Variants in DNMT3A observed in about 807,000 individuals in gnomAD.
The protein encoded by DNMT3A is DNA (cytosine-5)-methyltransferase 3A.
DNMT3A carries 267 observed loss-of-function variants against 117.6 expected under a neutral mutation model. That is an observed-to-expected ratio of 2.27 (90% CI 2.05 to 2.51). The LOEUF (loss-of-function observed/expected upper bound fraction) is 2.51. Among genes scored for constraint, DNMT3A ranks in the 30% most tolerant of loss-of-function variants. DNMT3A has a pLI of 0.00. For synonymous variants in DNMT3A, 432 were observed against 474.8 expected, an observed-to-expected ratio of 0.91 and a Z score of 1.17; for missense variants, 1,029 against 1,260.2, an observed-to-expected ratio of 0.82 and a Z score of 2.78.
intron 1 of DNMT3A, among the ~76,000 whole-genome samples, chr2:25,332,802 C>T (rs986906895): frequency 3.3e-5 from 5 of 152,244 alleles, no homozygotes; most frequent in East Asian, 1.9e-4. Context: ...CCAGCCTGTG[C>T]GTGGATGGCA....
At chr2:25,245,083 A>T (rs1004456642) in intron 13 of DNMT3A, among the ~76,000 whole-genome samples, 170 bp downstream of exon 13, 4 of 152,206 alleles carry the variant, frequency 2.6e-5, no homozygotes, top group Non-Finnish European at 5.9e-5. Context: ...AAAAGCTTGA[A>T]ACCCAAGGGC....
At chr2:25,241,892 G>C (rs1444555589) in intron 16 of DNMT3A, 185 bp from the exon 17 acceptor site, 2 of 728,054 alleles carry the variant, frequency 2.7e-6, no homozygotes, top group African/African-American at 3.6e-5. Flanking sequence ...AGGACATCGA[G>C]GCTCTGTCTC....
intron 2 of DNMT3A, among the ~76,000 whole-genome samples, chr2:25,309,965 A>C (rs1286905821): frequency 6.6e-6 from 1 of 152,168 alleles, no homozygotes; most frequent in Non-Finnish European, 1.5e-5. Context: ...CTGAGGCAGG[A>C]GAATGGCGTG....
rs567658171 is a variant in DNMT3A, at chr2:25,245,331, G to A, written c.1476C>T (p.Asp492=). ...TGAGGCTCCCACAGGAGATGCAGAT[G>A]TCTGGAAAGCAGAGGGAGGGGATGG... ...EVRQKCRNIE[D]ICISCGSLNV... The change falls in exon 13 of 23, where the codon GAC becomes GAT. Residue 492 remains aspartate (D), a splice_region_variant and synonymous_variant. Transcript: ENST00000321117. 2.5e-6 allele frequency: 4 copies of A among 1,613,804 alleles called. No individual in the cohort carries two copies. Among genetic ancestry groups the A allele is most frequent in the Non-Finnish European group, 3.4e-6 (4 of 1,179,918 alleles).
intron 4 of DNMT3A, among the ~76,000 whole-genome samples, chr2:25,277,843 C>T (rs1172882696): frequency 6.6e-6 from 1 of 151,948 alleles, no homozygotes; most frequent in South Asian, 2.1e-4. Flanking sequence ...GCTCCCTCTC[C>T]GCTGCACCAC....
chr2:25,256,870 G>A (rs1676181732), intron 6 of DNMT3A, among the ~76,000 whole-genome samples: 1 of 152,168 alleles, frequency 6.6e-6, no homozygotes, highest in Admixed American at 6.5e-5. Context: ...GCAGGGACTG[G>A]ACCTCATTCA....
At chr2:25,289,291 G>C (rs559189138) in intron 3 of DNMT3A, among the ~76,000 whole-genome samples, 23 of 151,896 alleles carry the variant, frequency 1.5e-4, no homozygotes, top group African/African-American at 5.6e-4. Context: ...TTAGAGATGG[G>C]GTTTCTCCAT....
In DNMT3A at chr2:25,337,813, C is replaced by A. The variant is rs1484679835; in HGVS notation, c.-178+4013G>T. Reference sequence around the variant, plus strand: ...TCAGAGAGAAATGATTGAAAATGAGCCCTCAAAATTAAAGTGGAAAGGGAT... The same window carrying A: ...TCAGAGAGAAATGATTGAAAATGAGACCTCAAAATTAAAGTGGAAAGGGAT... On this transcript the variant is annotated intron_variant, in intron 1 of 22. Coordinates refer to ENST00000321117, the MANE Select transcript of DNMT3A (RefSeq NM_022552.5). This position sits in a 1 kb window ranked among gnomAD's most constrained non-coding sequence, Gnocchi z 5.0. 6.6e-5 allele frequency among the ~76,000 whole-genome samples: 10 copies of A among 152,222 alleles called. No individual in the cohort carries two copies. Among genetic ancestry groups the A allele is most frequent in the Non-Finnish European group, 4.4e-5 (3 of 68,026 alleles).
chr2:25,241,902 C>T (rs765060542), intron 16 of DNMT3A, 195 bp from the exon 17 acceptor site: 6 of 674,690 alleles, frequency 8.9e-6, no homozygotes, highest in Non-Finnish European at 1.4e-5. Context: ...GGCTCTGTCT[C>T]ATGCCTCGTT....
At chr2:25,295,334 C>T (rs1189338877) in intron 3 of DNMT3A, among the ~76,000 whole-genome samples, 14 of 152,250 alleles carry the variant, frequency 9.2e-5, no homozygotes, top group Admixed American at 8.5e-4. Flanking sequence ...CTAAGCCCCG[C>T]CCTGCCCTGC....
rs765111399 is a variant in DNMT3A, at chr2:25,282,654, C to T, written c.235G>A (p.Ala79Thr). Residue 79 changes from alanine (A) to threonine (T), a missense_variant, in exon 4 of 23, where the codon GCC becomes ACC. Coordinates refer to ENST00000321117, the MANE Select transcript of DNMT3A (RefSeq NM_022552.5). The surrounding 1 kb of genome is among the most constrained non-coding windows in gnomAD (Gnocchi z 5.2). Reference sequence around the variant, plus strand: ...AGCTCTGAGGCGCCTGAGTCCTGGGCCATGGATGGGGACTTGGAGATCACC... The same window carrying T: ...AGCTCTGAGGCGCCTGAGTCCTGGGTCATGGATGGGGACTTGGAGATCACC... ...PAVISKSPSM[A>T]QDSGASELLP... 1.2e-6 allele frequency: 2 copies of T among 1,600,180 alleles called. No homozygotes were observed. The highest frequency in any genetic ancestry group is 8.5e-7 in the Non-Finnish European group (1 of 1,173,802).
rs749709735 is a variant in DNMT3A, at chr2:25,328,523, A to C, written c.-178+13303T>G. 76 of 422,184 alleles carry C rather than the reference A, an allele frequency of 1.8e-4. 1 individual carries two copies. The highest frequency in any genetic ancestry group is 7.0e-4 in the Admixed American group (28 of 40,078). 26.2% of individuals were successfully genotyped at this position (422,184 alleles called of 1,614,324 possible). A position where few individuals can be genotyped will look rare whatever the true frequency, so the allele number is the denominator to read the frequency against. On this transcript the variant is annotated intron_variant, in intron 1 of 22. Coordinates refer to ENST00000321117, the MANE Select transcript of DNMT3A (RefSeq NM_022552.5). The stretch of plus-strand genomic sequence containing the variant: ...CATTGAGTGTTCCATGCGTATATAG[A>C]TGTGTCTGATTTCTCAAAGAGACGA...
At chr2:25,240,150 T>C in intron 19 of DNMT3A, 152 bp downstream of exon 19, 1 of 1,139,778 alleles carries the variant, frequency 8.8e-7, no homozygotes, top group Non-Finnish European at 1.3e-6. Flanking sequence ...TTCCTCCCTT[T>C]CTATCCAGGA....
At position 25,282,656 on chromosome 2, in the gene DNMT3A, A is replaced by G. The variant is rs1558705159; in HGVS notation, c.233T>C (p.Met78Thr). ...DPAVISKSPSMAQDSGASELL... is the reference protein window; with the variant it reads ...DPAVISKSPSTAQDSGASELL... ...CTCTGAGGCGCCTGAGTCCTGGGCC[A>G]TGGATGGGGACTTGGAGATCACCGC... is the stretch of plus-strand genomic sequence containing the variant. The change falls in exon 4 of 23, where the codon ATG becomes ACG. Residue 78 changes from methionine (M) to threonine (T), a missense_variant. Transcript: ENST00000321117. This position sits in a 1 kb window ranked among gnomAD's most constrained non-coding sequence, Gnocchi z 5.2. The G allele has an allele frequency of 3.1e-6, 5 of 1,597,504 alleles. No homozygotes were observed. The Admixed American group carries it at 5.3e-5, about 17-fold the overall frequency.
At position 25,245,119 on chromosome 2, in the gene DNMT3A, G is replaced by A. The variant is rs1674583670; in HGVS notation, c.1554+134C>T. 9 of 773,168 alleles carry A rather than the reference G, an allele frequency of 1.2e-5. No homozygotes were observed. In the South Asian group the frequency reaches 1.6e-4, roughly 14 times the overall value. The allele number at this position is 773,168 out of a possible 1,614,324, so 47.9% of individuals were successfully genotyped here. A position where few individuals can be genotyped will look rare whatever the true frequency, so the allele number is the denominator to read the frequency against. Reference sequence around the variant, plus strand: ...CCGTGTCATCAGGACTCTGCTTCCAGAGGAAGCTCTGAAGTCTACATCACA... The same window carrying A: ...CCGTGTCATCAGGACTCTGCTTCCAAAGGAAGCTCTGAAGTCTACATCACA... On this transcript the variant is annotated intron_variant, in intron 13 of 22. Coordinates refer to ENST00000321117, the MANE Select transcript of DNMT3A (RefSeq NM_022552.5).
intron 6 of DNMT3A, among the ~76,000 whole-genome samples, chr2:25,274,149 A>G (rs1039747445): frequency 6.6e-6 from 1 of 152,108 alleles, no homozygotes; most frequent in South Asian, 2.1e-4. Flanking sequence ...TTCCCATCTG[A>G]GCAAATGGCA....
At chr2:25,310,234 T>C (rs182386816) in intron 2 of DNMT3A, among the ~76,000 whole-genome samples, 2 of 152,150 alleles carry the variant, frequency 1.3e-5, no homozygotes, top group Admixed American at 6.5e-5. Context: ...GAGGTGGCCC[T>C]TGGACTGTTC....
chr2:25,237,964 C>T lies in DNMT3A; in HGVS notation c.2409-959G>A, dbSNP rs1455125727. Among the ~76,000 whole-genome samples the T allele has an allele frequency of 1.3e-5, 2 of 152,254 alleles. No homozygotes were observed. Among genetic ancestry groups the T allele is most frequent in the Non-Finnish European group, 2.9e-5 (2 of 68,044 alleles). ...CTCCAGGATCTCAGTGTGGGAACCA[C>T]GGGGCCTGCAGTCAAATCAGGTGCT... On this transcript the variant is annotated intron_variant, in intron 20 of 22. Coordinates refer to ENST00000321117, the MANE Select transcript of DNMT3A (RefSeq NM_022552.5). This position sits in a 1 kb window ranked among gnomAD's most constrained non-coding sequence, Gnocchi z 5.4.
At position 25,246,618 on chromosome 2, in the gene DNMT3A, AC is replaced by A; in HGVS notation, c.1279+1del. ...CCCAGAAAGCTGGGTGCCCTCATTT[AC>A]CTTCTGGTGGCTCCAGGCCCTTAGG... is the stretch of plus-strand genomic sequence containing the variant. On this transcript the variant is annotated splice_donor_variant, in intron 10 of 22. Coordinates refer to ENST00000321117, the MANE Select transcript of DNMT3A (RefSeq NM_022552.5). LOFTEE classifies it high-confidence loss of function. 1 of 1,607,482 alleles carries A rather than the reference AC, an allele frequency of 6.2e-7. No individual in the cohort carries two copies. Among genetic ancestry groups the A allele is most frequent in the Non-Finnish European group, 8.5e-7 (1 of 1,176,526 alleles).
Sources: allele counts gnomAD v4.1 joint callset (sites outside exome capture counted in the v4.1 genomes callset), GRCh38; gene constraint gnomAD v4.1.1; non-coding constraint Gnocchi (gnomAD v3.1); transcripts MANE v1.5; gene names NCBI Gene and HGNC (gene_info 2026-07-23, HGNC 2026-07-21).